LAMP3: variants seen among roughly 807,000 people sequenced by gnomAD.
LAMP3 encodes the protein lysosome-associated membrane glycoprotein 3.
LAMP3 carries 26 observed loss-of-function variants against 34.8 expected under a neutral mutation model. The ratio of observed to expected loss-of-function variants is 0.75; its 90% CI spans 0.55 to 1.04. LAMP3 has a LOEUF of 1.04. Among genes scored for constraint, LAMP3 ranks in the 50% least tolerant of loss-of-function variants. LAMP3 has a pLI of 0.00. For missense variants in LAMP3, 495 were observed against 524.0 expected (o/e 0.94, Z 0.54); for synonymous variants, 180 against 201.9 (o/e 0.89, Z 0.92).
At chr3:183,125,117 T>C (rs1280935710) in intron 5 of LAMP3, among the ~76,000 whole-genome samples, 11 of 152,164 alleles carry the variant, frequency 7.2e-5, no homozygotes. Flanking sequence ...CTAATAAATC[T>C]CAACCGAGGA....
At chr3:183,124,718 GC>G (rs1283479460) in intron 5 of LAMP3, among the ~76,000 whole-genome samples, 5 of 152,278 alleles carry the variant, frequency 3.3e-5, no homozygotes, top group African/African-American at 1.2e-4. Flanking sequence ...TGTAATCCCA[GC>G]TACTCGGGAG....
intron 3 of LAMP3, among the ~76,000 whole-genome samples, chr3:183,144,347 A>G (rs79155994): frequency 0.079 from 12,018 of 152,288 alleles, 549 homozygotes; most frequent in East Asian, 0.16. Flanking sequence ...TGCCTTGGGG[A>G]TGGCAAAATG....
At chr3:183,153,009 T>C (rs1053853779) in intron 2 of LAMP3, among the ~76,000 whole-genome samples, 1 of 151,896 alleles carries the variant, frequency 6.6e-6, no homozygotes, top group African/African-American at 2.4e-5. Context: ...ACCCCGTCTC[T>C]ACTAAAAATA....
intron 3 of LAMP3, among the ~76,000 whole-genome samples, chr3:183,148,259 G>T (rs1720507198): frequency 6.6e-6 from 1 of 152,138 alleles, no homozygotes; most frequent in Non-Finnish European, 1.5e-5. Context: ...GTTGGTCTGG[G>T]CAAAGATTCC....
intron 3 of LAMP3, among the ~76,000 whole-genome samples, chr3:183,143,278 TA>T (rs199670533): frequency 1.1e-4 from 16 of 151,604 alleles, no homozygotes; most frequent in South Asian, 1.0e-3. Context: ...CCAGCTAATT[TA>T]AAAAAAATTT....
chr3:183,141,624 A>T (rs1271618863), intron 3 of LAMP3, among the ~76,000 whole-genome samples: 1 of 152,200 alleles, frequency 6.6e-6, no homozygotes, highest in Non-Finnish European at 1.5e-5. Context: ...ACCACATTAT[A>T]GCTCATTTGT....
intron 1 of LAMP3, among the ~76,000 whole-genome samples, chr3:183,157,810 A>C (rs1428638516): frequency 6.6e-6 from 1 of 152,138 alleles, no homozygotes; most frequent in African/African-American, 2.4e-5. Context: ...TAATGAATGA[A>C]CTCAAATAAA....
rs146757863 is a variant in LAMP3, at chr3:183,124,201, C to T, written c.1131G>A (p.Ser377=). ...DDHFGNVDEC[S]SDYTIVLPVI... ...CAGGAAGCACAATTGTGTAGTCAGA[C>T]GAGCACTCATCCACTAAGAGAGAAA... is the stretch of plus-strand genomic sequence containing the variant. Residue 377 remains serine, a synonymous_variant, in exon 6 of 6, where the codon TCG becomes TCA. Transcript: ENST00000265598. 176 of 1,591,204 alleles carry T rather than the reference C, an allele frequency of 1.1e-4. No homozygotes were observed. The highest frequency in any genetic ancestry group is 1.0e-3 in the Middle Eastern group (6 of 5,920).
intron 5 of LAMP3, among the ~76,000 whole-genome samples, chr3:183,130,052 T>C (rs1576868733): frequency 6.6e-6 from 1 of 152,208 alleles, no homozygotes; most frequent in Non-Finnish European, 1.5e-5. Flanking sequence ...ACCTTGAATT[T>C]CTAGCCTCCA....
At chr3:183,141,206 G>A (rs1720274108) in intron 3 of LAMP3, among the ~76,000 whole-genome samples, 1 of 152,192 alleles carries the variant, frequency 6.6e-6, no homozygotes, top group Admixed American at 6.5e-5. Context: ...AATGGGGCCA[G>A]TGGGAGGGAT....
chr3:183,129,058 T>A (rs1415581735), intron 5 of LAMP3, among the ~76,000 whole-genome samples: 1 of 152,186 alleles, frequency 6.6e-6, no homozygotes, highest in African/African-American at 2.4e-5. Context: ...ATCTGCCTAT[T>A]GTCTTTATAC....
chr3:183,158,808 G>T (rs1720894038), intron 1 of LAMP3, among the ~76,000 whole-genome samples: 1 of 152,068 alleles, frequency 6.6e-6, no homozygotes, highest in Non-Finnish European at 1.5e-5. Context: ...GGCACTGGGG[G>T]TAGGTCTTTG....
chr3:183,127,840 T>G (rs1384137548), intron 5 of LAMP3, among the ~76,000 whole-genome samples: 1 of 152,080 alleles, frequency 6.6e-6, no homozygotes, highest in Non-Finnish European at 1.5e-5. Context: ...CTTTAAAATG[T>G]GTTCTGACTG....
intron 3 of LAMP3, among the ~76,000 whole-genome samples, chr3:183,143,028 A>G (rs573394269): frequency 6.6e-6 from 1 of 152,298 alleles, no homozygotes; most frequent in South Asian, 2.1e-4. Flanking sequence ...GACACACAGG[A>G]CAGAGTCTGG....
rs11380448 is a variant in LAMP3, at chr3:183,157,744, T to TAA, written c.50-3355_50-3354dup. ...TTTCCTAAACTCAGTAGTGCACCCT[T>TAA]AAAAAAAACAAAAAAAGCCTTCCTC... On this transcript the variant is annotated intron_variant, in intron 1 of 5. Coordinates refer to ENST00000265598, the MANE Select transcript of LAMP3 (RefSeq NM_014398.4). Among the ~76,000 whole-genome samples, 5 of 151,240 alleles carry TAA rather than the reference T, an allele frequency of 3.3e-5. No homozygotes were observed. In the South Asian group the frequency reaches 1.0e-3, roughly 32 times the overall value.
At chr3:183,154,443 G>T (rs570382496) in intron 1 of LAMP3, 52 bp from the exon 2 acceptor site, 24 of 1,367,628 alleles carry the variant, frequency 1.8e-5, no homozygotes, top group East Asian at 1.4e-4. Flanking sequence ...TGCTTACAAG[G>T]TTCCCTCTCC....
At chr3:183,129,705 C>A (rs570459582) in intron 5 of LAMP3, among the ~76,000 whole-genome samples, 1 of 152,274 alleles carries the variant, frequency 6.6e-6, no homozygotes, top group African/African-American at 2.4e-5. Context: ...TCAGGAATTT[C>A]TTTCTGTTCC....
upstream of LAMP3, chr3:183,162,891 C>G: frequency 2.0e-6 from 1 of 501,398 alleles, no homozygotes; most frequent in South Asian, 3.0e-5. Flanking sequence ...CCTCTGGGAC[C>G]GTTTACCGCA....
intron 3 of LAMP3, among the ~76,000 whole-genome samples, chr3:183,142,005 G>T (rs761531748): frequency 6.6e-6 from 1 of 152,184 alleles, no homozygotes; most frequent in Non-Finnish European, 1.5e-5. Flanking sequence ...AGAGGACCTG[G>T]TTGCCTCCGT....
Sources: gnomAD v4.1 joint callset for allele counts (sites outside exome capture counted in the v4.1 genomes callset) on GRCh38, gnomAD v4.1.1 for gene constraint, MANE v1.5 for transcripts, NCBI Gene and HGNC (gene_info 2026-07-23, HGNC 2026-07-21) for gene names.